Variants in NRCAM observed in about 807,000 individuals in gnomAD.
NRCAM encodes the protein NgCAM-related cell adhesion molecule.
A neutral mutation model predicts 156.5 loss-of-function variants in NRCAM; 83 were observed. The ratio of observed to expected loss-of-function variants is 0.53; its 90% CI spans 0.44 to 0.64. The LOEUF is 0.64. Ranked by LOEUF, NRCAM falls within the 30% of genes least tolerant of loss-of-function variation. NRCAM has a pLI of 0.00. For missense variants in NRCAM, 1,417 were observed against 1,597.3 expected, an observed-to-expected ratio of 0.89 and a Z score of 1.92; for synonymous variants, 538 against 563.9, an observed-to-expected ratio of 0.95 and a Z score of 0.65.
At chr7:108,357,760 A>C (rs1292495120) in intron 2 of NRCAM, among the ~76,000 whole-genome samples, 1 of 152,230 alleles carries the variant, frequency 6.6e-6, no homozygotes, top group African/African-American at 2.4e-5. Flanking sequence ...TCCTATCTTC[A>C]GTAAATGCAC....
At chr7:108,247,330 T>G (rs2096010044) in intron 3 of NRCAM, among the ~76,000 whole-genome samples, 2 of 152,350 alleles carry the variant, frequency 1.3e-5, no homozygotes, top group African/African-American at 4.8e-5. Flanking sequence ...TTAGGAGGAC[T>G]GATGATCCAA....
At position 108,234,699 on chromosome 7, in the gene NRCAM, GA is replaced by G. The variant is rs370808042; in HGVS notation, c.125-12del. The G allele has an allele frequency of 0.011, 12,799 of 1,113,070 alleles. 5 individuals are homozygous for G. Among genetic ancestry groups the G allele is most frequent in the Non-Finnish European group, 0.012 (9,877 of 801,176 alleles). 68.9% of individuals were successfully genotyped at this position (1,113,070 alleles called of 1,614,324 possible). On this transcript the variant is annotated splice_polypyrimidine_tract_variant and intron_variant, in intron 5 of 32. Coordinates refer to ENST00000379028, the MANE Select transcript of NRCAM (RefSeq NM_001037132.4). ...TTGGAGGCTGTACCACTTAATTGTA[GA>G]AAAAAAAAAATGTAAAAAAACAAAT...
chr7:108,194,415 T>G lies in NRCAM; in HGVS notation c.1477A>C (p.Lys493Gln), dbSNP rs763576603. The G allele has an allele frequency of 3.1e-6, 5 of 1,600,046 alleles. No homozygotes were observed. The African/African-American group carries it at 6.7e-5, about 22-fold the overall frequency. The change falls in exon 16 of 33, where the codon AAA becomes CAA. Residue 493 changes from lysine (K) to glutamine (Q), a missense_variant. Physicochemically the swap from Lys to Gln is moderately conservative, Grantham distance 53 (BLOSUM62 1). Around this residue, in one of 2 missense-constraint regions of NRCAM, gnomAD observed 1,238 missense variants for 1,336.4 expected, o/e 0.93. Coordinates refer to ENST00000379028, the MANE Select transcript of NRCAM (RefSeq NM_001037132.4). ...LPTIEWFKGA[K>Q]GSALHEDIYV... ...ATATCTTCATGAAGAGCACTTCCTT[T>G]AGCTCCTTTAAACCTTCATTACAGA...
intron 14 of NRCAM, 85 bp from the exon 15 acceptor site, chr7:108,195,957 T>C (rs1488831040): frequency 4.5e-6 from 4 of 888,326 alleles, no homozygotes; most frequent in South Asian, 1.5e-5. Context: ...TTTAAGGTCA[T>C]TAAAGTTTAT....
chr7:108,255,984 C>T (rs2096632906), intron 3 of NRCAM, among the ~76,000 whole-genome samples: 1 of 151,122 alleles, frequency 6.6e-6, no homozygotes, highest in Admixed American at 6.6e-5. Context: ...GCCCGGCCAG[C>T]TGCCCCGTCC....
intron 3 of NRCAM, among the ~76,000 whole-genome samples, chr7:108,293,229 G>A (rs1213767307): frequency 6.6e-6 from 1 of 152,046 alleles, no homozygotes; most frequent in Non-Finnish European, 1.5e-5. Context: ...CCCAACTGAG[G>A]ACTACAACAG....
At chr7:108,433,143 C>A (rs1432591541) in intron 1 of NRCAM, among the ~76,000 whole-genome samples, 2 of 152,122 alleles carry the variant, frequency 1.3e-5, no homozygotes, top group African/African-American at 2.4e-5. Context: ...TGCTTCTGTG[C>A]TTCTGTGTGT....
chr7:108,351,784 G>A (rs2099414490), intron 2 of NRCAM, among the ~76,000 whole-genome samples: 1 of 150,728 alleles, frequency 6.6e-6, no homozygotes, highest in South Asian at 2.1e-4. Context: ...TAAGTAAGCT[G>A]GCTAAGGATA....
chr7:108,397,594 C>A (rs143082975), intron 2 of NRCAM, among the ~76,000 whole-genome samples: 1 of 152,112 alleles, frequency 6.6e-6, no homozygotes, highest in Non-Finnish European at 1.5e-5. Flanking sequence ...CTGAAGAATG[C>A]AAGAAAGACC....
intron 2 of NRCAM, among the ~76,000 whole-genome samples, chr7:108,344,132 A>G (rs2099325971): frequency 6.6e-6 from 1 of 152,216 alleles, no homozygotes; most frequent in South Asian, 2.1e-4. Context: ...CAACCTCCCC[A>G]ACAGCATTTG....
chr7:108,191,948 A>C, intron 17 of NRCAM, 95 bp from the exon 18 acceptor site: 1 of 1,416,482 alleles, frequency 7.1e-7, no homozygotes, highest in Non-Finnish European at 9.6e-7. Context: ...AATTTGATAA[A>C]GGAGAAAGAT....
chr7:108,304,492 C>CT (rs368012331), intron 3 of NRCAM, among the ~76,000 whole-genome samples: 3 of 151,756 alleles, frequency 2.0e-5, no homozygotes, highest in African/African-American at 7.3e-5. Flanking sequence ...GTATCTGGCT[C>CT]TTTTTGCATT....
chr7:108,298,012 T>A (rs950073149), intron 3 of NRCAM, among the ~76,000 whole-genome samples: 1 of 152,194 alleles, frequency 6.6e-6, no homozygotes, highest in African/African-American at 2.4e-5. Context: ...AGGAGGCCAG[T>A]CCACCTGCAG....
intron 2 of NRCAM, among the ~76,000 whole-genome samples, chr7:108,314,451 A>G (rs1051149926): frequency 9.2e-5 from 14 of 152,200 alleles, no homozygotes; most frequent in African/African-American, 3.4e-4. Flanking sequence ...TATTAAATAA[A>G]ATCAGTCCTA....
At chr7:108,282,193 C>A (rs1357910996) in intron 3 of NRCAM, among the ~76,000 whole-genome samples, 4 of 152,162 alleles carry the variant, frequency 2.6e-5, no homozygotes, top group Admixed American at 6.5e-5. Context: ...AATGAAAGGA[C>A]TAAAATTAAG....
At chr7:108,449,609 A>C (rs1461058667) in intron 1 of NRCAM, among the ~76,000 whole-genome samples, 2 of 152,196 alleles carry the variant, frequency 1.3e-5, no homozygotes, top group East Asian at 1.9e-4. Flanking sequence ...TTAATGGGAG[A>C]TTAGTACTTC....
chr7:108,179,566 T>G (rs1273632323), intron 25 of NRCAM, among the ~76,000 whole-genome samples: 1 of 152,200 alleles, frequency 6.6e-6, no homozygotes, highest in African/African-American at 2.4e-5. Context: ...GGGCCCCTCT[T>G]TCCCTCACCC....
intron 10 of NRCAM, among the ~76,000 whole-genome samples, chr7:108,225,206 C>G (rs780338465): frequency 2.0e-4 from 30 of 152,094 alleles, no homozygotes; most frequent in Non-Finnish European, 3.8e-4. Context: ...CACATGAAAA[C>G]AGATGACAAG....
intron 2 of NRCAM, among the ~76,000 whole-genome samples, chr7:108,341,243 G>A (rs1183198564): frequency 6.6e-6 from 1 of 152,218 alleles, no homozygotes; most frequent in Non-Finnish European, 1.5e-5. Flanking sequence ...GAGGGTGCCT[G>A]GGGCAAGCGC....
Sources: allele counts gnomAD v4.1 joint callset (sites outside exome capture counted in the v4.1 genomes callset), GRCh38; gene constraint gnomAD v4.1.1; regional missense constraint gnomAD v4.1.1; transcripts MANE v1.5; gene names NCBI Gene and HGNC (gene_info 2026-07-23, HGNC 2026-07-21).